Variants in RLIG1 observed in about 807,000 individuals in gnomAD.
RLIG1 encodes the protein RNA 5'-phosphate and 3'-OH ligase 1, also known as RNA ligase 1.
At chr12:88,044,456 CTT>C in the RLIG1 span, 3 of 152,160 alleles carry the variant, frequency 2.0e-5, no homozygotes, top group African/African-American at 7.2e-5. Flanking sequence ...ACCGGCATGT[CTT>C]GAGTGCCCAT....
chr12:88,049,179 G>A, the RLIG1 span: 1 of 1,532,834 alleles, frequency 6.5e-7, no homozygotes, highest in Non-Finnish European at 8.9e-7. Context: ...GTTTATAGGT[G>A]ACCTTTAGTA....
At chr12:88,041,962 T>A in the RLIG1 span, 1 of 152,192 alleles carries the variant, frequency 6.6e-6, no homozygotes, top group Admixed American at 6.5e-5. Context: ...GTGACAATGC[T>A]TACAAATCCA....
At chr12:88,035,776 G>C in the RLIG1 span, 2 of 1,561,056 alleles carry the variant, frequency 1.3e-6, no homozygotes, top group Non-Finnish European at 1.7e-6. Flanking sequence ...CGGCCCGCGT[G>C]GGCTCCTCCC....
the RLIG1 span, among the ~76,000 whole-genome samples, chr12:88,039,540 A>G: frequency 6.6e-6 from 1 of 152,310 alleles, no homozygotes; most frequent in Admixed American, 6.5e-5. Flanking sequence ...AGACACATCA[A>G]GAAACCTTAC....
chr12:88,048,132 G>A, the RLIG1 span: 1 of 753,354 alleles, frequency 1.3e-6, no homozygotes, highest in Non-Finnish European at 1.9e-6. Context: ...AGATAAAGTG[G>A]AGTCTTACCC....
At chr12:88,045,578 A>G in the RLIG1 span, 35 of 1,603,498 alleles carry the variant, frequency 2.2e-5, no homozygotes, top group Non-Finnish European at 3.0e-5. Flanking sequence ...TCTTTATATG[A>G]TAGGTTGGGT....
At chr12:88,042,841 G>T in the RLIG1 span, 2 of 1,512,714 alleles carry the variant, frequency 1.3e-6, no homozygotes, top group Non-Finnish European at 8.8e-7. Context: ...CATACCTTTG[G>T]GCTCGACTAG....
At chr12:88,036,065 C>T in the RLIG1 span, 16 of 1,398,820 alleles carry the variant, frequency 1.1e-5, no homozygotes, top group Non-Finnish European at 1.5e-5. Flanking sequence ...GGGGAAACCC[C>T]CTAATCAGGT....
chr12:88,039,269 C>T, the RLIG1 span, among the ~76,000 whole-genome samples: 1 of 152,208 alleles, frequency 6.6e-6, no homozygotes, highest in East Asian at 1.9e-4. Context: ...AGTACATTAC[C>T]ACATCCTTGC....
At chr12:88,036,935 G>A in the RLIG1 span, among the ~76,000 whole-genome samples, 1 of 152,092 alleles carries the variant, frequency 6.6e-6, no homozygotes, top group Admixed American at 6.5e-5. Flanking sequence ...ATGTTTGAGG[G>A]GAGTAGTTTG....
chr12:88,043,098 A>G, the RLIG1 span, among the ~76,000 whole-genome samples: 1 of 152,200 alleles, frequency 6.6e-6, no homozygotes, highest in African/African-American at 2.4e-5. Flanking sequence ...TATTTTTGTA[A>G]TATTTGTCAC....
chr12:88,042,968 C>A, the RLIG1 span: 3 of 1,193,014 alleles, frequency 2.5e-6, no homozygotes, highest in East Asian at 2.6e-5. Flanking sequence ...AAATTTGTGG[C>A]ATATTTATTG....
chr12:88,040,807 T>G, the RLIG1 span, among the ~76,000 whole-genome samples: 3 of 145,522 alleles, frequency 2.1e-5, no homozygotes, highest in Admixed American at 2.1e-4. Flanking sequence ...TTTTTTTTTT[T>G]GCAATTATTT....
At chr12:88,048,454 C>CAAGATTAGAATA in the RLIG1 span, 6 of 1,101,100 alleles carry the variant, frequency 5.4e-6, no homozygotes, top group Non-Finnish European at 7.6e-6. Context: ...TCATTATATT[C>CAAGATTAGAATA]TAATCTTGAA....
the RLIG1 span, chr12:88,048,574 A>C: frequency 5.9e-6 from 3 of 505,452 alleles, no homozygotes; most frequent in Non-Finnish European, 9.5e-6. Flanking sequence ...TACCTATTCA[A>C]AATTTTATTA....
At chr12:88,042,875 G>A in the RLIG1 span, 1 of 1,565,778 alleles carries the variant, frequency 6.4e-7, no homozygotes, top group Admixed American at 2.0e-5. Context: ...CAAACAAGCT[G>A]AAAAAAGATT....
At chr12:88,049,424 A>ACAT in the RLIG1 span, 1 of 1,288,952 alleles carries the variant, frequency 7.8e-7, no homozygotes, top group East Asian at 2.5e-5. Context: ...CCTAATGGAA[A>ACAT]CATTATCTTT....
At chr12:88,036,232 CTTAA>C in the RLIG1 span, among the ~76,000 whole-genome samples, 1 of 152,192 alleles carries the variant, frequency 6.6e-6, no homozygotes, top group African/African-American at 2.4e-5. Context: ...CCAGTAATTA[CTTAA>C]TTTATTCTAA....
At chr12:88,045,696 T>G in the RLIG1 span, 1 of 1,613,292 alleles carries the variant, frequency 6.2e-7, no homozygotes, top group Non-Finnish European at 8.5e-7. Context: ...TCTGGACTTT[T>G]GGAAATTAGT....
Sources: allele counts gnomAD v4.1 joint callset (sites outside exome capture counted in the v4.1 genomes callset), GRCh38; gene constraint gnomAD v4.1.1; transcripts MANE v1.5; gene names NCBI Gene and HGNC (gene_info 2026-07-23, HGNC 2026-07-21).